The following ESR2 variants were observed in gnomAD, a reference collection of about 807,000 sequenced individuals.
ESR2 encodes the protein estrogen receptor beta.
In ESR2, 36 loss-of-function variants were observed where a neutral mutation model predicts 49.6. The observed-to-expected ratio is 0.73, with a 90% CI of 0.56 to 0.96. The LOEUF is 0.96. Among genes scored for constraint, ESR2 ranks in the 40% least tolerant of loss-of-function variants. The pLI, the probability that ESR2 is intolerant of heterozygous loss-of-function variation, is 0.00. For synonymous variants in ESR2, 320 were observed against 266.1 expected, an observed-to-expected ratio of 1.20 and a Z score of -1.97; for missense variants, 714 against 693.0, an observed-to-expected ratio of 1.03 and a Z score of -0.34.
In ESR2 at chr14:64,314,877, C is replaced by CAAA. The variant is rs1179436563; in HGVS notation, c.-91+23018_-91+23020dup. Among the ~76,000 whole-genome samples, 175 of 20,484 alleles carry CAAA rather than the reference C, an allele frequency of 8.5e-3. 11 individuals are homozygous for CAAA. The East Asian group carries it at 0.095, about 11-fold the overall frequency. The allele number at this position is 20,484 out of a possible 152,430, so 13.4% of individuals were successfully genotyped here. A position where few individuals can be genotyped will look rare whatever the true frequency, so the allele number is the denominator to read the frequency against. On this transcript the variant is annotated intron_variant, in intron 1 of 8. Coordinates refer to the ESR2 transcript ENST00000358599. ...TGGGTAACAGAGCAAGACTCCGTCT[C>CAAA]AAAAAAAAAAAAAAAAAAAAAAAAA...
chr14:64,289,381 A>T (rs2076833692), intron 1 of ESR2, among the ~76,000 whole-genome samples: 1 of 151,862 alleles, frequency 6.6e-6, no homozygotes, highest in African/African-American at 2.4e-5. Context: ...GCATGGTGGC[A>T]CATGCCTGTA....
chr14:64,254,872 C>T (rs922159714), intron 6 of ESR2, among the ~76,000 whole-genome samples: 2 of 150,614 alleles, frequency 1.3e-5, no homozygotes, highest in Non-Finnish European at 2.9e-5. Context: ...ATTTACAATT[C>T]CCAAGAATTC....
chr14:64,255,116 G>C (rs2076072703), intron 6 of ESR2, among the ~76,000 whole-genome samples: 1 of 151,934 alleles, frequency 6.6e-6, no homozygotes, highest in South Asian at 2.1e-4. Context: ...AGAGTGGAGA[G>C]TTAATTGTAC....
intron 6 of ESR2, among the ~76,000 whole-genome samples, chr14:64,250,935 G>A (rs1256052): frequency 0.97 from 148,147 of 152,326 alleles, 72,083 homozygotes; most frequent in East Asian, 1. Context: ...GAGCATTACT[G>A]AGTTACTAAA....
intron 1 of ESR2, among the ~76,000 whole-genome samples, chr14:64,326,399 G>A (rs535557452): frequency 1.1e-4 from 16 of 152,046 alleles, no homozygotes; most frequent in African/African-American, 3.9e-4. Flanking sequence ...TGATTCATGT[G>A]TGTACTTAAT....
rs555878670 is a variant in ESR2, at chr14:64,330,740, T to C, written c.-91+7158A>G. 4.6e-5 allele frequency: 7 copies of C among 152,176 alleles called. 1 individual carries two copies. Among genetic ancestry groups the C allele is most frequent in the African/African-American group, 1.7e-4 (7 of 41,508 alleles). The allele number at this position is 152,176 out of a possible 1,614,324, so 9.4% of individuals were successfully genotyped here. A position where few individuals can be genotyped will look rare whatever the true frequency, so the allele number is the denominator to read the frequency against. Reference sequence around the variant, plus strand: ...ATCCAGAATAATGTTTAACCAACTATCTGGGCAACACAGCCCAGCTAAGTT... The same window carrying C: ...ATCCAGAATAATGTTTAACCAACTACCTGGGCAACACAGCCCAGCTAAGTT... On this transcript the variant is annotated intron_variant, in intron 1 of 8. Coordinates refer to the ESR2 transcript ENST00000358599.
At chr14:64,282,556 C>T in intron 2 of ESR2, 68 bp downstream of exon 2, 1 of 1,464,832 alleles carries the variant, frequency 6.8e-7, no homozygotes. Context: ...TTATTTCCTT[C>T]TCACTCAACC....
At chr14:64,264,047 A>G (rs2076273950) in intron 4 of ESR2, among the ~76,000 whole-genome samples, 3 of 152,182 alleles carry the variant, frequency 2.0e-5, no homozygotes, top group African/African-American at 4.8e-5. Flanking sequence ...AAAATGTAAA[A>G]TGGAAATTAA....
At chr14:64,252,642 C>T (rs562917676) in intron 6 of ESR2, among the ~76,000 whole-genome samples, 62 of 152,150 alleles carry the variant, frequency 4.1e-4, no homozygotes, top group African/African-American at 1.4e-3. Context: ...GGCAGGAGAG[C>T]GAGTGACTGA....
chr14:64,331,930 A>G (rs1467233256), intron 1 of ESR2, among the ~76,000 whole-genome samples: 12 of 151,940 alleles, frequency 7.9e-5, no homozygotes, highest in Admixed American at 7.9e-4. Context: ...AAAAAAAATC[A>G]TGGTGTGTCA....
Position 64,279,968 on chromosome 14 carries a change from A to C in ESR2, c.535+13T>G, listed in dbSNP as rs1241862313. On this transcript the variant is annotated intron_variant, in intron 3 of 8. Coordinates refer to ENST00000341099, the MANE Select transcript of ESR2 (RefSeq NM_001437.3). Reference sequence around the variant, plus strand: ...GTAGGAAACTAAAGAAGCAGTTAACAATTCTCTTGTACCTTGAATGCTTCT... The same window carrying C: ...GTAGGAAACTAAAGAAGCAGTTAACCATTCTCTTGTACCTTGAATGCTTCT... 1.2e-6 allele frequency: 2 copies of C among 1,602,358 alleles called. No individual in the cohort carries two copies. Among genetic ancestry groups the C allele is most frequent in the South Asian group, 1.1e-5 (1 of 90,612 alleles).
intron 1 of ESR2, among the ~76,000 whole-genome samples, chr14:64,334,652 CTTATT>C (rs1397620227): frequency 6.6e-6 from 1 of 152,160 alleles, no homozygotes; most frequent in Non-Finnish European, 1.5e-5. Context: ...AAATTGTGGT[CTTATT>C]TTATTTTTTT....
rs1409406787 is a variant in ESR2, at chr14:64,229,239, A to G, written c.*3898T>C. On this transcript the variant is annotated 3_prime_UTR_variant, in exon 9 of 9. Transcript: ENST00000341099. ...AAAGGTACAGCAGAAGACAACCCTA[A>G]CTTCACCGCCCCTCCATTCTGCTGC... Among the ~76,000 whole-genome samples, 2 of 152,046 alleles carry G rather than the reference A, an allele frequency of 1.3e-5. No homozygotes were observed. The highest frequency in any genetic ancestry group is 2.9e-5 in the Non-Finnish European group (2 of 68,000).
intron 1 of ESR2, among the ~76,000 whole-genome samples, chr14:64,285,167 T>C (rs1488250697): frequency 2.6e-5 from 4 of 152,130 alleles, no homozygotes. Context: ...TTACTTCTTA[T>C]CAGTGCATCT....
chr14:64,322,494 G>A (rs1409675607), intron 1 of ESR2, among the ~76,000 whole-genome samples: 1 of 134,064 alleles, frequency 7.5e-6, no homozygotes, highest in Non-Finnish European at 1.5e-5. Flanking sequence ...GGGTAACATA[G>A]TAAGACCTTA....
intron 3 of ESR2, among the ~76,000 whole-genome samples, chr14:64,272,060 G>C (rs2076458723): frequency 6.6e-6 from 1 of 152,134 alleles, no homozygotes; most frequent in Non-Finnish European, 1.5e-5. Context: ...ATCCTCACTA[G>C]CATTTGTTAT....
chr14:64,331,522 C>G (rs1214250720), intron 1 of ESR2, among the ~76,000 whole-genome samples: 1 of 152,082 alleles, frequency 6.6e-6, no homozygotes, highest in African/African-American at 2.4e-5. Context: ...GGGAACCAGA[C>G]ATGGTGTAAA....
chr14:64,261,362 C>CGAG (rs1419672915), intron 4 of ESR2, among the ~76,000 whole-genome samples: 4 of 150,554 alleles, frequency 2.7e-5, no homozygotes, highest in Non-Finnish European at 5.9e-5. Context: ...CTCAGCCTCC[C>CGAG]GAGTAGCTAG....
rs374264697 is a variant in ESR2, at chr14:64,261,232, C to CTTTTTTTTT, written c.653-485_653-484insAAAAAAAAA. On this transcript the variant is annotated intron_variant, in intron 4 of 8. Transcript: ENST00000341099. ...CAGTCTTTTTAATGCTTTTATTTTTCTTTTTTCTTTTTTTTTTTTTTTTGA... is the reference window on the plus strand; with the variant it reads ...CAGTCTTTTTAATGCTTTTATTTTTCTTTTTTTTTTTTTTTCTTTTTTTTTTTTTTTTGA... Among the ~76,000 whole-genome samples the CTTTTTTTTT allele has an allele frequency of 1.1e-3, 97 of 88,654 alleles. 13 individuals carry two copies. Among genetic ancestry groups the CTTTTTTTTT allele is most frequent in the East Asian group, 2.4e-3 (5 of 2,072 alleles). The allele number at this position is 88,654 out of a possible 152,430, so 58.2% of individuals were successfully genotyped here. A position where few individuals can be genotyped will look rare whatever the true frequency, so the allele number is the denominator to read the frequency against.
Sources: gnomAD v4.1 joint callset for allele counts (sites outside exome capture counted in the v4.1 genomes callset) on GRCh38, gnomAD v4.1.1 for gene constraint, MANE v1.5 for transcripts, NCBI Gene and HGNC (gene_info 2026-07-23, HGNC 2026-07-21) for gene names.